The following SGPL1 variants were observed in gnomAD, a reference collection of about 807,000 sequenced individuals.
SGPL1 encodes the protein SP-lyase 1.
Under a neutral mutation model 68.9 loss-of-function variants are expected in SGPL1, and 37 were observed. That is an observed-to-expected ratio of 0.54 (90% CI 0.41 to 0.71). The LOEUF (loss-of-function observed/expected upper bound fraction) is 0.71. Ranked by LOEUF, SGPL1 falls within the 30% of genes least tolerant of loss-of-function variation. SGPL1 has a pLI of 0.00. For missense variants in SGPL1, 551 were observed against 704.6 expected, an observed-to-expected ratio of 0.78 and a Z score of 2.47; for synonymous variants, 236 against 248.5, an observed-to-expected ratio of 0.95 and a Z score of 0.47.
chr10:70,856,513 A>G (rs1845965892), intron 5 of SGPL1, among the ~76,000 whole-genome samples: 1 of 152,206 alleles, frequency 6.6e-6, no homozygotes, highest in Non-Finnish European at 1.5e-5. Context: ...ATTCTCTAGC[A>G]TCAGTAAAAG....
chr10:70,857,804 C>A, intron 6 of SGPL1, 114 bp downstream of exon 6: 1 of 582,822 alleles, frequency 1.7e-6, no homozygotes. Flanking sequence ...CTTATTGGTA[C>A]AATAAAACCA....
At chr10:70,834,817 A>G (rs563861944) in intron 2 of SGPL1, among the ~76,000 whole-genome samples, 22 of 152,284 alleles carry the variant, frequency 1.4e-4, no homozygotes, top group Admixed American at 1.3e-3. Context: ...GGCTCTGGAA[A>G]ACTAGGCAGT....
At chr10:70,838,338 A>AT (rs1262652064) in intron 2 of SGPL1, among the ~76,000 whole-genome samples, 3 of 152,160 alleles carry the variant, frequency 2.0e-5, no homozygotes, top group African/African-American at 7.2e-5. Context: ...AGTTCGTAAG[A>AT]TTTTTTTGGA....
chr10:70,875,511 A>G lies in SGPL1; in HGVS notation c.1408A>G (p.Lys470Glu). 6.2e-7 allele frequency: 1 copy of G among 1,613,256 alleles called. No individual in the cohort carries two copies. Among genetic ancestry groups the G allele is most frequent in the Non-Finnish European group, 8.5e-7 (1 of 1,179,412 alleles). ...IYRLSNLMTA[K>E]GWNLNQLQFP... ...CCGACTATCAAACCTGATGACTGCT[A>G]AGGGGTGGAACTTGAACCAGTTGCA... The change falls in exon 13 of 15, where the codon AAG (lysine) becomes GAG (glutamate). Residue 470 changes from lysine (K) to glutamate (E), a missense_variant. Transcript: ENST00000373202.
chr10:70,868,245 G>C (rs955445756), intron 7 of SGPL1, 100 bp from the exon 8 acceptor site: 1 of 879,176 alleles, frequency 1.1e-6, no homozygotes, highest in Non-Finnish European at 1.8e-6. Flanking sequence ...ATGCATCCAA[G>C]ACCTTATCTG....
chr10:70,858,280 C>T (rs1055566021), intron 6 of SGPL1, among the ~76,000 whole-genome samples: 5 of 152,038 alleles, frequency 3.3e-5, no homozygotes, highest in Non-Finnish European at 5.9e-5. Flanking sequence ...GGACTACAGG[C>T]GTGCATCATG....
chr10:70,835,525 A>C (rs531105468), intron 2 of SGPL1, among the ~76,000 whole-genome samples: 1 of 151,906 alleles, frequency 6.6e-6, no homozygotes, highest in Admixed American at 6.6e-5. Context: ...ATCACGAGGC[A>C]GGAGATCGAG....
intron 2 of SGPL1, among the ~76,000 whole-genome samples, chr10:70,840,638 A>G (rs1031055138): frequency 2.0e-5 from 3 of 152,070 alleles, no homozygotes; most frequent in Non-Finnish European, 2.9e-5. Flanking sequence ...GACCCATCCA[A>G]CTACAGTGTC....
Position 70,854,758 on chromosome 10 carries a change from A to G in SGPL1, c.312A>G (p.Ser104=), listed in dbSNP as rs148829973. The G allele has an allele frequency of 7.2e-5, 116 of 1,613,948 alleles. No homozygotes were observed. The highest frequency in any genetic ancestry group is 6.6e-4 in the Middle Eastern group (4 of 6,062). The part of the protein sequence containing the change: ...KTKDDISKNM[S]FLKVDKEYVK... ...AGGATGATATTAGCAAGAACATGTC[A>G]TTCCTGAAAGTGGACAAAGAGTATG... The change falls in exon 5 of 15, where the codon TCA becomes TCG. Residue 104 remains serine (S), a synonymous_variant. Coordinates refer to ENST00000373202, the MANE Select transcript of SGPL1 (RefSeq NM_003901.4).
intron 7 of SGPL1, among the ~76,000 whole-genome samples, chr10:70,868,085 TG>T (rs1846225867): frequency 6.6e-6 from 1 of 152,264 alleles, no homozygotes; most frequent in Non-Finnish European, 1.5e-5. Flanking sequence ...TGTGAATAGG[TG>T]GGATCTGGCC....
At chr10:70,867,804 T>G (rs1846222329) in intron 7 of SGPL1, among the ~76,000 whole-genome samples, 1 of 152,184 alleles carries the variant, frequency 6.6e-6, no homozygotes, top group Non-Finnish European at 1.5e-5. Context: ...AATTAGGATT[T>G]TTGTTTTATT....
At chr10:70,825,376 T>C in intron 2 of SGPL1, among the ~76,000 whole-genome samples, 1 of 152,106 alleles carries the variant, frequency 6.6e-6, no homozygotes, top group Non-Finnish European at 1.5e-5. Flanking sequence ...AGCTGGAAAA[T>C]GCTGGATGGA....
intron 7 of SGPL1, chr10:70,860,509 GA>G: frequency 2.2e-6 from 1 of 450,650 alleles, no homozygotes; most frequent in Non-Finnish European, 4.5e-6. Context: ...GCAAAATACT[GA>G]AACTGTTAAA....
chr10:70,834,814 G>A (rs1380454459), intron 2 of SGPL1, among the ~76,000 whole-genome samples: 1 of 152,176 alleles, frequency 6.6e-6, no homozygotes. Flanking sequence ...TTTGGCTCTG[G>A]AAAACTAGGC....
intron 2 of SGPL1, among the ~76,000 whole-genome samples, chr10:70,832,230 C>G (rs1845552949): frequency 6.6e-6 from 1 of 152,154 alleles, no homozygotes; most frequent in Non-Finnish European, 1.5e-5. Flanking sequence ...GATGCACTTT[C>G]CAAAGGGTGT....
intron 2 of SGPL1, among the ~76,000 whole-genome samples, chr10:70,819,739 T>A (rs1040611498): frequency 6.6e-6 from 1 of 151,492 alleles, no homozygotes; most frequent in Admixed American, 6.6e-5. Flanking sequence ...CAGATGATCC[T>A]TCCACCTCAG....
intron 12 of SGPL1, among the ~76,000 whole-genome samples, chr10:70,875,094 G>A (rs550380716): frequency 6.6e-6 from 1 of 152,292 alleles, no homozygotes; most frequent in African/African-American, 2.4e-5. Flanking sequence ...TCATGCCTCA[G>A]AAGCATCTAG....
intron 9 of SGPL1, 68 bp from the exon 10 acceptor site, chr10:70,870,980 C>G (rs928032938): frequency 2.9e-6 from 4 of 1,391,668 alleles, no homozygotes; most frequent in Non-Finnish European, 4.1e-6. Flanking sequence ...CCAAATTGCT[C>G]TTGGCAGCAG....
intron 2 of SGPL1, 149 bp downstream of exon 2, chr10:70,817,029 G>T (rs1845245429): frequency 2.3e-6 from 2 of 883,192 alleles, no homozygotes; most frequent in African/African-American, 1.7e-5. Context: ...GTTTTGTTTT[G>T]TTTTTTTGGA....
Sources: gnomAD v4.1 joint callset for allele counts (sites outside exome capture counted in the v4.1 genomes callset) on GRCh38, gnomAD v4.1.1 for gene constraint, MANE v1.5 for transcripts, NCBI Gene and HGNC (gene_info 2026-07-23, HGNC 2026-07-21) for gene names.